Variants in SPATA6 observed in about 807,000 individuals in gnomAD.
SPATA6 encodes the protein spermatogenesis associated 6, also known as spermatogenesis-associated protein 6.
A neutral mutation model predicts 65.3 loss-of-function variants in SPATA6; 56 were observed. The observed-to-expected ratio is 0.86, with a 90% confidence interval of 0.69 to 1.07. The LOEUF (loss-of-function observed/expected upper bound fraction) is 1.07. Among genes scored for constraint, SPATA6 ranks in the 50% least tolerant of loss-of-function variants. SPATA6 has a pLI of 0.00. For missense variants in SPATA6, 590 were observed against 594.8 expected (o/e 0.99, Z 0.08); for synonymous variants, 199 against 213.2 (o/e 0.93, Z 0.58).
chr1:48,315,558 C>G (rs1645386348), intron 11 of SPATA6, among the ~76,000 whole-genome samples: 1 of 152,048 alleles, frequency 6.6e-6, no homozygotes, highest in African/African-American at 2.4e-5. Flanking sequence ...TAAGAGCTAT[C>G]TATGACAAAC....
chr1:48,452,886 C>T lies in SPATA6; in HGVS notation c.189+108G>A, dbSNP rs1335758262. 2.3e-6 allele frequency: 3 copies of T among 1,330,430 alleles called. No individual in the cohort carries two copies. In the African/African-American group the frequency reaches 4.5e-5, roughly 20 times the overall value. 82.4% of individuals were successfully genotyped at this position (1,330,430 alleles called of 1,614,324 possible). On this transcript the variant is annotated intron_variant, in intron 2 of 12. Coordinates refer to ENST00000371847, the MANE Select transcript of SPATA6 (RefSeq NM_019073.4). Reference sequence around the variant, plus strand: ...GTTACAAATGTCCTTTTGAATTAAACCAAAGCACACAGTCAGCAGTAATAA... The same window carrying T: ...GTTACAAATGTCCTTTTGAATTAAATCAAAGCACACAGTCAGCAGTAATAA...
intron 9 of SPATA6, among the ~76,000 whole-genome samples, chr1:48,363,356 G>A (rs1646877341): frequency 6.6e-6 from 1 of 152,086 alleles, no homozygotes; most frequent in South Asian, 2.1e-4. Context: ...TTTCTTCAAT[G>A]TATCTTCAAT....
At chr1:48,350,909 T>C (rs752806758) in intron 11 of SPATA6, among the ~76,000 whole-genome samples, 12 of 151,940 alleles carry the variant, frequency 7.9e-5, no homozygotes, top group Non-Finnish European at 1.8e-4. Context: ...ACTAAAAACA[T>C]GTGCTGGAAT....
intron 11 of SPATA6, among the ~76,000 whole-genome samples, chr1:48,316,632 C>T (rs1304469146): frequency 1.5e-4 from 23 of 152,178 alleles, no homozygotes; most frequent in Admixed American, 7.2e-4. Context: ...GCAAGGACTT[C>T]ATGTCTAAAA....
rs1215921304 is a variant in SPATA6, at chr1:48,389,343, A to G, written c.869-3994T>C. 3.3e-5 allele frequency among the ~76,000 whole-genome samples: 5 copies of G among 152,208 alleles called. 1 individual carries two copies. The highest frequency in any genetic ancestry group is 1.2e-4 in the African/African-American group (5 of 41,442). On this transcript the variant is annotated intron_variant, in intron 8 of 12. Coordinates refer to ENST00000371847, the MANE Select transcript of SPATA6 (RefSeq NM_019073.4). ...ATCTGTATCCCCAAAGGAAGAGAAT[A>G]TAAGAGTTCCAAAAACTATTTAATG...
At chr1:48,461,747 G>C (rs1401716260) in intron 1 of SPATA6, among the ~76,000 whole-genome samples, 1 of 152,152 alleles carries the variant, frequency 6.6e-6, no homozygotes, top group Non-Finnish European at 1.5e-5. Flanking sequence ...CTGTTGGTGG[G>C]ACTGTAAACT....
At chr1:48,365,071 CTTGT>C (rs1646953883) in intron 9 of SPATA6, among the ~76,000 whole-genome samples, 1 of 152,110 alleles carries the variant, frequency 6.6e-6, no homozygotes, top group South Asian at 2.1e-4. Context: ...TTCCCCATTG[CTTGT>C]TTTTCTCAGG....
chr1:48,348,246 A>G (rs1646424832), intron 11 of SPATA6, among the ~76,000 whole-genome samples: 1 of 152,044 alleles, frequency 6.6e-6, no homozygotes, highest in African/African-American at 2.4e-5. Context: ...GGGGACAGAA[A>G]GCAAGCTCTA....
intron 11 of SPATA6, among the ~76,000 whole-genome samples, chr1:48,307,387 T>C (rs1645087082): frequency 6.7e-6 from 1 of 148,252 alleles, no homozygotes; most frequent in Non-Finnish European, 1.5e-5. Context: ...TATATAATCA[T>C]ATACATTTAT....
the SPATA6 span, among the ~76,000 whole-genome samples, chr1:48,269,745 T>C: frequency 6.6e-6 from 1 of 151,686 alleles, no homozygotes; most frequent in Non-Finnish European, 1.5e-5. Context: ...ATAATAAATA[T>C]GCAAAGTATA....
At chr1:48,452,663 C>A (rs1337803110) in intron 2 of SPATA6, among the ~76,000 whole-genome samples, 1 of 152,188 alleles carries the variant, frequency 6.6e-6, no homozygotes, top group Non-Finnish European at 1.5e-5. Context: ...GGATTGCAGG[C>A]ATGAGCCACC....
rs1164278553 is a variant in SPATA6 at position 48,444,303 on chromosome 1, TGCACCAATCAGCACTCTGTAAAAAC to T, written c.238+7224_238+7248del. Among the ~76,000 whole-genome samples the T allele has an allele frequency of 1.1e-4, 17 of 151,246 alleles. 1 individual carries two copies. The highest frequency in any genetic ancestry group is 6.3e-4 in the South Asian group (3 of 4,776). On this transcript the variant is annotated intron_variant, in intron 3 of 12. Coordinates refer to ENST00000371847, the MANE Select transcript of SPATA6 (RefSeq NM_019073.4). ...CTCTGTCTACCAAAAGGATTGTGAATGCACCAATCAGCACTCTGTAAAAACGCACCAATCAGCACTCTGGGTCCAG... is the reference window on the plus strand; with the variant it reads ...CTCTGTCTACCAAAAGGATTGTGAATGCACCAATCAGCACTCTGGGTCCAG...
At chr1:48,321,700 A>G (rs1425254680) in intron 11 of SPATA6, among the ~76,000 whole-genome samples, 1 of 152,174 alleles carries the variant, frequency 6.6e-6, no homozygotes, top group Non-Finnish European at 1.5e-5. Context: ...CAGTTCATCT[A>G]AGGGCTGCAG....
intron 11 of SPATA6, among the ~76,000 whole-genome samples, chr1:48,349,155 C>A (rs879659407): frequency 2.0e-5 from 3 of 151,868 alleles, no homozygotes; most frequent in Non-Finnish European, 4.4e-5. Flanking sequence ...CATTTTAGTG[C>A]ACAATGATAA....
chr1:48,264,263 T>G, the SPATA6 span, among the ~76,000 whole-genome samples: 1 of 152,174 alleles, frequency 6.6e-6, no homozygotes, highest in African/African-American at 2.4e-5. Flanking sequence ...AAAATTTAAA[T>G]TCTATTATAA....
At chr1:48,318,515 C>T (rs966746016) in intron 11 of SPATA6, among the ~76,000 whole-genome samples, 1 of 151,944 alleles carries the variant, frequency 6.6e-6, no homozygotes, top group African/African-American at 2.4e-5. Context: ...GGAAACAATA[C>T]CATGTAAAAT....
At chr1:48,396,663 C>T (rs965660979) in intron 7 of SPATA6, among the ~76,000 whole-genome samples, 8 of 151,456 alleles carry the variant, frequency 5.3e-5, no homozygotes, top group Admixed American at 5.3e-4. Flanking sequence ...ACAAGCCAAT[C>T]GAAATAGGAC....
the SPATA6 span, among the ~76,000 whole-genome samples, chr1:48,283,950 T>A: frequency 2.0e-5 from 3 of 152,108 alleles, no homozygotes; most frequent in East Asian, 1.9e-4. Context: ...GTGTTCTCTA[T>A]ATTTCCTGAA....
intron 11 of SPATA6, among the ~76,000 whole-genome samples, chr1:48,338,087 A>C (rs1333708125): frequency 1.3e-5 from 2 of 152,054 alleles, no homozygotes; most frequent in Non-Finnish European, 2.9e-5. Flanking sequence ...TAGTAAATTG[A>C]AAAACTACAT....
Sources: allele counts gnomAD v4.1 joint callset (sites outside exome capture counted in the v4.1 genomes callset), GRCh38; gene constraint gnomAD v4.1.1; transcripts MANE v1.5; gene names NCBI Gene and HGNC (gene_info 2026-07-23, HGNC 2026-07-21).